DCST1: variants seen among roughly 807,000 people sequenced by gnomAD.
The protein encoded by DCST1 is E3 ubiquitin-protein ligase DCST1.
Under a neutral mutation model 89.1 loss-of-function variants are expected in DCST1, and 78 were observed. The ratio of observed to expected loss-of-function variants is 0.88; its 90% CI spans 0.73 to 1.06. DCST1 has a LOEUF of 1.06. DCST1 is among the 50% of genes least tolerant of loss of function. The pLI is 0.00. For synonymous variants in DCST1, 364 were observed against 371.9 expected (o/e 0.98, Z 0.24); for missense variants, 900 against 928.6 (o/e 0.97, Z 0.40).
intron 10 of DCST1, among the ~76,000 whole-genome samples, chr1:155,043,965 G>A (rs1418600833): frequency 6.6e-6 from 1 of 152,184 alleles, no homozygotes; most frequent in Non-Finnish European, 1.5e-5. Context: ...GCTGCCCCGG[G>A]CCTTGCTCTG....
intron 2 of DCST1, 106 bp from the exon 3 acceptor site, chr1:155,034,329 A>G (rs1660198619): frequency 1.2e-6 from 2 of 1,605,578 alleles, no homozygotes. Flanking sequence ...CTACTGTTTC[A>G]CATGCCAGGT....
rs1660605378 is a variant in DCST1 at position 155,045,928 on chromosome 1, T to A, written c.1208T>A (p.Ile403Asn). Reference protein sequence around the residue: ...FSYMDSYNHDIRFDNIYISTY... With the variant: ...FSYMDSYNHDNRFDNIYISTY... ...TACATGGACAGCTATAACCATGACA[T>A]TCGTTTTGACAACATCTACATCAGT... is the stretch of plus-strand genomic sequence containing the variant. Residue 403 changes from isoleucine to asparagine, a missense_variant, in exon 11 of 17, where the codon ATT becomes AAT. Physicochemically the swap from Ile to Asn is moderately radical, Grantham distance 149. Transcript: ENST00000295542. 6.2e-7 allele frequency: 1 copy of A among 1,614,214 alleles called. No homozygotes were observed. Among genetic ancestry groups the A allele is most frequent in the Non-Finnish European group, 8.5e-7 (1 of 1,180,042 alleles).
At chr1:155,047,134 C>T (rs141329654) in intron 13 of DCST1, 62 bp from the exon 14 acceptor site, 1 of 1,335,332 alleles carries the variant, frequency 7.5e-7, no homozygotes, top group African/African-American at 1.4e-5. Flanking sequence ...ACATCCACCC[C>T]CTTAACACAT....
intron 1 of DCST1, 41 bp from the exon 2 acceptor site, chr1:155,033,931 T>C: frequency 6.8e-7 from 1 of 1,465,864 alleles, no homozygotes; most frequent in Non-Finnish European, 9.5e-7. Flanking sequence ...AGGCTTCCCA[T>C]GAAGCGGAAG....
chr1:155,044,775 G>A (rs541172729), intron 10 of DCST1, among the ~76,000 whole-genome samples: 57 of 152,362 alleles, frequency 3.7e-4, no homozygotes, highest in African/African-American at 1.2e-3. Flanking sequence ...GGAAAGCCCT[G>A]CAGGAAGACC....
chr1:155,037,576 T>C (rs1660313122), intron 4 of DCST1, among the ~76,000 whole-genome samples: 1 of 152,014 alleles, frequency 6.6e-6, no homozygotes, highest in African/African-American at 2.4e-5. Flanking sequence ...CCTGAGTAGC[T>C]GGGACTACAG....
Position 155,050,793 on chromosome 1 carries a change from G to T in DCST1, c.2046G>T (p.Pro682=). The change falls in exon 17 of 17, where the codon CCG becomes CCT. Residue 682 remains proline, a synonymous_variant. Coordinates refer to ENST00000295542, the MANE Select transcript of DCST1 (RefSeq NM_152494.4). ...SCWDDMRQRC[P]VCTPREELSS... ...GGGACGACATGCGGCAGCGGTGCCC[G>T]GTCTGCACGCCCCGCGAAGAGCTCT... The T allele has an allele frequency of 6.2e-7, 1 of 1,611,728 alleles. No individual in the cohort carries two copies. The highest frequency in any genetic ancestry group is 8.5e-7 in the Non-Finnish European group (1 of 1,179,142).
At chr1:155,037,652 G>C (rs966948664) in intron 4 of DCST1, among the ~76,000 whole-genome samples, 9 of 151,874 alleles carry the variant, frequency 5.9e-5, no homozygotes, top group Non-Finnish European at 1.3e-4. Flanking sequence ...GGCCAGGCTG[G>C]TCTCAAACTC....
chr1:155,050,851 ACTG>A lies in DCST1; in HGVS notation c.2106_2108del (p.Ala703del), dbSNP rs1435986638. 1 of 1,611,672 alleles carries A rather than the reference ACTG, an allele frequency of 6.2e-7. No individual in the cohort carries two copies. Among genetic ancestry groups the A allele is most frequent in the Non-Finnish European group, 8.5e-7 (1 of 1,178,554 alleles). ...CGCCTTTAGTGACAGCAACGACGAC[ACTG>A]CCTACGCGGGGTGAAGAGGCGTCCT... is the stretch of plus-strand genomic sequence containing the variant. On this transcript the variant is annotated inframe_deletion, in exon 17 of 17. Coordinates refer to ENST00000295542, the MANE Select transcript of DCST1 (RefSeq NM_152494.4).
At chr1:155,037,790 G>A (rs1483099843) in intron 4 of DCST1, among the ~76,000 whole-genome samples, 1 of 152,198 alleles carries the variant, frequency 6.6e-6, no homozygotes, top group Non-Finnish European at 1.5e-5. Flanking sequence ...TGAGAGTCAA[G>A]TTTTGCTGTT....
intron 14 of DCST1, 119 bp from the exon 15 acceptor site, chr1:155,047,668 G>A (rs1660700057): frequency 2.3e-6 from 2 of 877,232 alleles, no homozygotes; most frequent in Non-Finnish European, 3.5e-6. Context: ...TGAGGGGCAG[G>A]CAGGAGGAGA....
intron 10 of DCST1, chr1:155,045,529 T>G (rs1416606845): frequency 3.9e-6 from 1 of 256,620 alleles, no homozygotes; most frequent in Non-Finnish European, 7.6e-6. Context: ...AGTTTCCCCC[T>G]CTCTGTAACT....
At chr1:155,045,836 G>C in intron 10 of DCST1, 57 bp from the exon 11 acceptor site, 1 of 1,474,286 alleles carries the variant, frequency 6.8e-7, no homozygotes, top group Non-Finnish European at 9.5e-7. Context: ...CCCATGTTTG[G>C]GGATAGATGA....
intron 16 of DCST1, 112 bp downstream of exon 16, chr1:155,048,282 C>T (rs371292110): frequency 4.4e-5 from 36 of 816,454 alleles, no homozygotes; most frequent in Non-Finnish European, 6.2e-5. Context: ...CAGGCCTACT[C>T]GAGCCTGGTA....
chr1:155,042,670 C>G (rs1660471003), intron 8 of DCST1, 65 bp from the exon 9 acceptor site: 1 of 1,607,332 alleles, frequency 6.2e-7, no homozygotes, highest in Admixed American at 1.7e-5. Flanking sequence ...GGAGGACAGG[C>G]AGGCCAGGCC....
intron 14 of DCST1, 82 bp from the exon 15 acceptor site, chr1:155,047,705 C>T: frequency 2.3e-6 from 3 of 1,301,546 alleles, no homozygotes; most frequent in Non-Finnish European, 2.2e-6. Flanking sequence ...ACTGCACCTC[C>T]CACTGGGATG....
chr1:155,049,181 T>A, intron 16 of DCST1: 1 of 662,720 alleles, frequency 1.5e-6, no homozygotes, highest in South Asian at 1.7e-5. Flanking sequence ...GCACATGACT[T>A]AACTGCTGTG....
chr1:155,044,177 C>T (rs1314836639), intron 10 of DCST1, among the ~76,000 whole-genome samples: 1 of 152,206 alleles, frequency 6.6e-6, no homozygotes, highest in Non-Finnish European at 1.5e-5. Flanking sequence ...GAGCTCTATT[C>T]CTGCCCCCAA....
chr1:155,050,750 T>C lies in DCST1; in HGVS notation c.2003T>C (p.Val668Ala), dbSNP rs1429799286. ...TGCCGGACGCTGGACTGCGAGGCCG[T>C]GTACTGCTGGTCGTGCTGGGACGAC... ...YVCRTLDCEAVYCWSCWDDMR... is the reference protein window; with the variant it reads ...YVCRTLDCEAAYCWSCWDDMR... The change falls in exon 17 of 17, where the codon GTG (valine) becomes GCG (alanine). Residue 668 changes from valine to alanine, a missense_variant. Val to Ala is a moderately conservative substitution (Grantham distance 64, BLOSUM62 0). Transcript: ENST00000295542. The C allele has an allele frequency of 1.2e-6, 2 of 1,611,396 alleles. No individual in the cohort carries two copies. The highest frequency in any genetic ancestry group is 2.2e-5 in the South Asian group (2 of 90,664).
Sources: gnomAD v4.1 joint callset for allele counts (sites outside exome capture counted in the v4.1 genomes callset) on GRCh38, gnomAD v4.1.1 for gene constraint, MANE v1.5 for transcripts, NCBI Gene and HGNC (gene_info 2026-07-23, HGNC 2026-07-21) for gene names.